The following SLC24A2 variants were observed in gnomAD, a reference collection of about 807,000 sequenced individuals.
SLC24A2 encodes the protein sodium/potassium/calcium exchanger 2.
A neutral mutation model predicts 62.0 loss-of-function variants in SLC24A2; 36 were observed. The ratio of observed to expected loss-of-function variants is 0.58; its 90% confidence interval spans 0.44 to 0.77. The LOEUF (loss-of-function observed/expected upper bound fraction) is 0.77. Among genes scored for constraint, SLC24A2 ranks in the 30% least tolerant of loss-of-function variants. SLC24A2 has a pLI of 0.00. For missense variants in SLC24A2, 846 were observed against 817.9 expected (o/e 1.03, Z -0.42); for synonymous variants, 358 against 294.0 (o/e 1.22, Z -2.23).
intron 8 of SLC24A2, among the ~76,000 whole-genome samples, chr9:19,545,375 G>A (rs1301495422): frequency 2.0e-5 from 3 of 151,966 alleles, no homozygotes; most frequent in African/African-American, 7.3e-5. Flanking sequence ...GTTAGAACAT[G>A]CTGCTTTAGC....
At chr9:20,227,663 G>C in the SLC24A2 span, among the ~76,000 whole-genome samples, 1 of 151,822 alleles carries the variant, frequency 6.6e-6, no homozygotes, top group Non-Finnish European at 1.5e-5. Context: ...CCTGCTATCA[G>C]CGTGGCCTTG....
chr9:20,000,315 G>A, the SLC24A2 span, among the ~76,000 whole-genome samples: 3 of 152,262 alleles, frequency 2.0e-5, no homozygotes, highest in East Asian at 5.8e-4. Context: ...GAGGAATCTT[G>A]CCCAAGTAGC....
the SLC24A2 span, among the ~76,000 whole-genome samples, chr9:20,190,242 G>C: frequency 6.6e-6 from 1 of 152,236 alleles, no homozygotes; most frequent in Non-Finnish European, 1.5e-5. Flanking sequence ...GCTTGGAAGG[G>C]ACTATGCCAG....
intron 2 of SLC24A2, among the ~76,000 whole-genome samples, chr9:19,780,960 G>GA (rs1231659578): frequency 1.4e-5 from 2 of 143,492 alleles, no homozygotes; most frequent in African/African-American, 2.6e-5. Flanking sequence ...AAAAAGGCAA[G>GA]AAAAAATTCT....
chr9:19,731,542 T>TGTGC (rs1554707820), intron 2 of SLC24A2, among the ~76,000 whole-genome samples: 1 of 150,236 alleles, frequency 6.7e-6, no homozygotes, highest in Non-Finnish European at 1.5e-5. Flanking sequence ...TGTGTGTGTG[T>TGTGC]GCATGTGTGC....
At chr9:19,979,717 A>T in the SLC24A2 span, among the ~76,000 whole-genome samples, 1 of 152,182 alleles carries the variant, frequency 6.6e-6, no homozygotes, top group Non-Finnish European at 1.5e-5. Flanking sequence ...GATGATCCCA[A>T]TATCCTAAGG....
At chr9:19,916,838 A>T in the SLC24A2 span, among the ~76,000 whole-genome samples, 2 of 152,004 alleles carry the variant, frequency 1.3e-5, no homozygotes, top group East Asian at 1.9e-4. Flanking sequence ...CATCCTTCTT[A>T]GGATAGATGC....
At chr9:19,941,590 T>TGTGTGTGTGTGA in the SLC24A2 span, among the ~76,000 whole-genome samples, 703 of 127,940 alleles carry the variant, frequency 5.5e-3, 2 homozygotes, top group South Asian at 0.01. Context: ...TGTGTGTGTG[T>TGTGTGTGTGTGA]GAGAGAGAGA....
At chr9:19,685,380 T>C (rs1819850504) in intron 2 of SLC24A2, among the ~76,000 whole-genome samples, 1 of 152,114 alleles carries the variant, frequency 6.6e-6, no homozygotes, top group South Asian at 2.1e-4. Context: ...AAATTACCAA[T>C]GACATTCTTC....
At chr9:19,708,011 G>T (rs1250718720) in intron 2 of SLC24A2, among the ~76,000 whole-genome samples, 1 of 152,150 alleles carries the variant, frequency 6.6e-6, no homozygotes, top group Admixed American at 6.5e-5. Context: ...AAACCCCATT[G>T]TCTCAGCCCT....
chr9:20,217,625 A>T, the SLC24A2 span, among the ~76,000 whole-genome samples: 2 of 152,176 alleles, frequency 1.3e-5, no homozygotes, highest in Non-Finnish European at 2.9e-5. Flanking sequence ...ATTTGAACAC[A>T]TCGGGGGGTA....
the SLC24A2 span, among the ~76,000 whole-genome samples, chr9:20,149,052 T>C: frequency 6.6e-6 from 1 of 152,066 alleles, no homozygotes; most frequent in African/African-American, 2.4e-5. Context: ...AATGGATGTA[T>C]TTTAACAGGA....
At chr9:19,691,264 G>A (rs1376748828) in intron 2 of SLC24A2, among the ~76,000 whole-genome samples, 1 of 152,176 alleles carries the variant, frequency 6.6e-6, no homozygotes, top group Non-Finnish European at 1.5e-5. Flanking sequence ...AGGCCTCCAA[G>A]GATTGAACAA....
At chr9:19,851,712 A>T in the SLC24A2 span, among the ~76,000 whole-genome samples, 2,111 of 152,154 alleles carry the variant, frequency 0.014, 54 homozygotes, top group African/African-American at 0.048. Flanking sequence ...CCACATTTTT[A>T]AAAAATCCAG....
chr9:20,285,247 G>A, the SLC24A2 span, among the ~76,000 whole-genome samples: 1 of 152,182 alleles, frequency 6.6e-6, no homozygotes, highest in African/African-American at 2.4e-5. Context: ...CCTTATATTA[G>A]TCTGAGTGCT....
At chr9:20,215,939 T>G in the SLC24A2 span, among the ~76,000 whole-genome samples, 1 of 152,198 alleles carries the variant, frequency 6.6e-6, no homozygotes, top group Admixed American at 6.5e-5. Flanking sequence ...TGTACAGCCA[T>G]TAATTCAAGT....
intron 2 of SLC24A2, among the ~76,000 whole-genome samples, chr9:19,758,467 T>C (rs1328861979): frequency 6.6e-6 from 1 of 152,216 alleles, no homozygotes; most frequent in Non-Finnish European, 1.5e-5. Flanking sequence ...GAAAGTTTTC[T>C]AATTAGGACT....
At chr9:19,582,738 C>G (rs1287167221) in intron 5 of SLC24A2, among the ~76,000 whole-genome samples, 4 of 152,046 alleles carry the variant, frequency 2.6e-5, no homozygotes, top group Non-Finnish European at 5.9e-5. Context: ...TTCAGTTAAG[C>G]CTTCATCACT....
chr9:20,144,419 G>C, the SLC24A2 span, among the ~76,000 whole-genome samples: 6 of 152,310 alleles, frequency 3.9e-5, no homozygotes, highest in Middle Eastern at 3.4e-3. Context: ...ATGTCTGTTA[G>C]CTCGCTCCGA....
Sources: allele counts gnomAD v4.1 joint callset (sites outside exome capture counted in the v4.1 genomes callset), GRCh38; gene constraint gnomAD v4.1.1; transcripts MANE v1.5; gene names NCBI Gene and HGNC (gene_info 2026-07-23, HGNC 2026-07-21).